Variants in ST3GAL3 observed in about 807,000 individuals in gnomAD.
ST3GAL3 encodes ST3 beta-galactoside alpha-2,3-sialyltransferase 3.
A neutral mutation model predicts 50.1 loss-of-function variants in ST3GAL3; 21 were observed. The ratio of observed to expected loss-of-function variants is 0.42; its 90% confidence interval spans 0.30 to 0.60. ST3GAL3 has a LOEUF of 0.60. ST3GAL3 is among the 20% of genes least tolerant of loss of function. The probability of loss-of-function intolerance (pLI) is 0.19; values close to 1 mark genes in which losing one functional copy is unlikely to be tolerated. For synonymous variants in ST3GAL3, 183 were observed against 190.0 expected (o/e 0.96, Z 0.30); for missense variants, 353 against 489.4 (o/e 0.72, Z 2.63).
At chr1:43,894,107 A>G in intron 5 of ST3GAL3, 1 of 472,818 alleles carries the variant, frequency 2.1e-6, no homozygotes, top group Non-Finnish European at 3.9e-6. Context: ...TCCAGCTCTG[A>G]GAAATTGATC....
chr1:43,768,424 G>C (rs1023909060), intron 2 of ST3GAL3, among the ~76,000 whole-genome samples: 12 of 152,266 alleles, frequency 7.9e-5, no homozygotes, highest in African/African-American at 2.4e-4. Context: ...CTGGGCAACA[G>C]AGCAAGACCC....
intron 2 of ST3GAL3, among the ~76,000 whole-genome samples, chr1:43,780,064 T>G (rs1455761905): frequency 6.6e-6 from 1 of 152,136 alleles, no homozygotes; most frequent in African/African-American, 2.4e-5. Flanking sequence ...GGCCCCATAT[T>G]TTTTTACTTC....
At chr1:43,758,035 A>G (rs578091444) in intron 2 of ST3GAL3, among the ~76,000 whole-genome samples, 1 of 152,204 alleles carries the variant, frequency 6.6e-6, no homozygotes, top group Non-Finnish European at 1.5e-5. Flanking sequence ...CACTTCACCA[A>G]AGTAGACATA....
intron 2 of ST3GAL3, among the ~76,000 whole-genome samples, chr1:43,755,319 TAGAC>T (rs1687642176): frequency 6.6e-6 from 1 of 152,228 alleles, no homozygotes; most frequent in Non-Finnish European, 1.5e-5. Context: ...TTATATCTCT[TAGAC>T]TGATAAGAAA....
chr1:43,717,852 A>G (rs1310981592), intron 1 of ST3GAL3, among the ~76,000 whole-genome samples: 4 of 151,990 alleles, frequency 2.6e-5, no homozygotes, highest in African/African-American at 7.2e-5. Flanking sequence ...AACAGAACAA[A>G]TAATTATACC....
intron 5 of ST3GAL3, among the ~76,000 whole-genome samples, chr1:43,857,469 C>CTCCCTCCTTCCTTCCTTCCT (rs2068628031): frequency 1.5e-5 from 2 of 129,330 alleles, no homozygotes; most frequent in African/African-American, 5.4e-5. Context: ...GTGTATTTCC[C>CTCCCTCCTTCCTTCCTTCCT]TCCTTCCTTC....
At position 43,918,139 on chromosome 1, in the gene ST3GAL3, G is replaced by A. The variant is rs1467010812; in HGVS notation, c.745-2265G>A. Reference sequence around the variant, plus strand: ...TTTCTCTTTTTTTTTTTTTTTAAGAGAGGGTCTCACTCTGTCACCCAGGCT... The same window carrying A: ...TTTCTCTTTTTTTTTTTTTTTAAGAAAGGGTCTCACTCTGTCACCCAGGCT... On this transcript the variant is annotated intron_variant, in intron 9 of 11. Coordinates refer to ENST00000347631, the MANE Select transcript of ST3GAL3 (RefSeq NM_006279.5). 4.4e-3 allele frequency among the ~76,000 whole-genome samples: 60 copies of A among 13,494 alleles called. 2 individuals are homozygous for A. Among genetic ancestry groups the A allele is most frequent in the Non-Finnish European group, 8.3e-3 (27 of 3,258 alleles). The allele number at this position is 13,494 out of a possible 152,430, so 8.9% of individuals were successfully genotyped here.
At chr1:43,898,996 C>T (rs2077814785) in intron 7 of ST3GAL3, 172 bp from the exon 8 acceptor site, 1 of 783,742 alleles carries the variant, frequency 1.3e-6, no homozygotes, top group Non-Finnish European at 2.0e-6. Context: ...GGCCCAGCTA[C>T]CCATTGTATG....
chr1:43,830,103 A>G (rs2063346330), intron 4 of ST3GAL3, among the ~76,000 whole-genome samples: 1 of 146,588 alleles, frequency 6.8e-6, no homozygotes, highest in Non-Finnish European at 1.5e-5. Context: ...AGCTCAAGCA[A>G]TCCTCCCAAC....
chr1:43,801,205 C>G (rs1219987439), intron 3 of ST3GAL3: 2 of 452,066 alleles, frequency 4.4e-6, no homozygotes, highest in African/African-American at 4.0e-5. Context: ...AATAATGCTC[C>G]TTAAATTGGT....
Position 43,795,947 on chromosome 1 carries a change from C to A in ST3GAL3, c.166+3798C>A, listed in dbSNP as rs1336422380. Among the ~76,000 whole-genome samples the A allele has an allele frequency of 2.0e-5, 3 of 152,182 alleles. No homozygotes were observed. In the East Asian group the frequency reaches 5.8e-4, roughly 29 times the overall value. ...CAAACCCCAGCAATGGACACCAAGG[C>A]ACAAACAGCTTCAGGAAAAGACCTC... is the stretch of plus-strand genomic sequence containing the variant. On this transcript the variant is annotated intron_variant, in intron 3 of 11. Transcript: ENST00000347631.
chr1:43,834,644 C>T (rs1246619875), intron 4 of ST3GAL3, among the ~76,000 whole-genome samples: 3 of 152,196 alleles, frequency 2.0e-5, no homozygotes, highest in African/African-American at 7.2e-5. Context: ...AATGCTGATC[C>T]TTCAGACACA....
At chr1:43,727,663 T>C (rs1673598811) in intron 1 of ST3GAL3, among the ~76,000 whole-genome samples, 1 of 152,176 alleles carries the variant, frequency 6.6e-6, no homozygotes, top group Non-Finnish European at 1.5e-5. Flanking sequence ...GAGATGAAAC[T>C]AAACCTATTC....
chr1:43,782,503 A>C (rs1253841837), intron 2 of ST3GAL3, among the ~76,000 whole-genome samples: 2 of 152,208 alleles, frequency 1.3e-5, no homozygotes, highest in African/African-American at 2.4e-5. Flanking sequence ...AATAAAATCC[A>C]GACTCCTAAC....
At chr1:43,785,577 A>T (rs2057212276) in intron 2 of ST3GAL3, among the ~76,000 whole-genome samples, 1 of 152,190 alleles carries the variant, frequency 6.6e-6, no homozygotes, top group East Asian at 1.9e-4. Flanking sequence ...AACAGGGAGA[A>T]CATTTTGAAT....
intron 1 of ST3GAL3, among the ~76,000 whole-genome samples, chr1:43,722,985 G>T (rs773946047): frequency 3.9e-5 from 6 of 152,130 alleles, no homozygotes; most frequent in Non-Finnish European, 5.9e-5. Flanking sequence ...GAGCCTAGTG[G>T]GAGGTCTTTG....
chr1:43,898,575 C>T, intron 7 of ST3GAL3: 2 of 527,842 alleles, frequency 3.8e-6, no homozygotes, highest in Non-Finnish European at 6.9e-6. Context: ...ACTAGCCCAG[C>T]AATGGGACTG....
intron 3 of ST3GAL3, among the ~76,000 whole-genome samples, chr1:43,802,519 G>C (rs1210786291): frequency 6.6e-6 from 1 of 152,178 alleles, no homozygotes; most frequent in East Asian, 1.9e-4. Flanking sequence ...ATCATAAAAG[G>C]CTACATTCAA....
chr1:43,921,030 A>G, intron 11 of ST3GAL3, 102 bp downstream of exon 11: 1 of 1,398,102 alleles, frequency 7.2e-7, no homozygotes, highest in Admixed American at 2.0e-5. Context: ...GCTGCCCAGA[A>G]CTCCCCAGAA....
Sources: allele counts gnomAD v4.1 joint callset (sites outside exome capture counted in the v4.1 genomes callset), GRCh38; gene constraint gnomAD v4.1.1; transcripts MANE v1.5; gene names NCBI Gene and HGNC (gene_info 2026-07-23, HGNC 2026-07-21).